MKLN1: variants seen among roughly 807,000 people sequenced by gnomAD.
The protein encoded by MKLN1 is muskelin 1.
Under a neutral mutation model 99.0 loss-of-function variants are expected in MKLN1, and 18 were observed. The observed-to-expected ratio is 0.18, with a 90% CI of 0.13 to 0.27. The LOEUF (loss-of-function observed/expected upper bound fraction) is 0.27. MKLN1 is among the 10% of genes least tolerant of loss of function. The probability of loss-of-function intolerance (pLI) is 1.00; values close to 1 mark genes in which losing one functional copy is unlikely to be tolerated. For missense variants in MKLN1, 621 were observed against 875.9 expected, an observed-to-expected ratio of 0.71 and a Z score of 3.67; for synonymous variants, 288 against 293.2, an observed-to-expected ratio of 0.98 and a Z score of 0.18.
At chr7:131,221,777 T>C (rs894041210) in intron 3 of MKLN1, among the ~76,000 whole-genome samples, 1 of 151,378 alleles carries the variant, frequency 6.6e-6, no homozygotes, top group African/African-American at 2.4e-5. Flanking sequence ...CACCTTAGCC[T>C]CCCGAAGTGC....
intron 6 of MKLN1, among the ~76,000 whole-genome samples, chr7:131,403,909 C>T (rs1200343749): frequency 1.3e-5 from 2 of 152,168 alleles, no homozygotes; most frequent in Admixed American, 6.5e-5. Context: ...GTTGGAAAAA[C>T]GGCATCCATA....
chr7:131,424,973 A>G (rs1795316263), intron 8 of MKLN1, among the ~76,000 whole-genome samples: 1 of 152,040 alleles, frequency 6.6e-6, no homozygotes, highest in African/African-American at 2.4e-5. Context: ...CTGTCTTTTA[A>G]CCTCCTCTCC....
chr7:131,449,478 C>T (rs1343135292), intron 12 of MKLN1, among the ~76,000 whole-genome samples: 1 of 152,056 alleles, frequency 6.6e-6, no homozygotes, highest in Non-Finnish European at 1.5e-5. Context: ...CTGTGAGTTG[C>T]ATTGTTCAAA....
rs756021711 is a variant in MKLN1, at chr7:131,388,944, G to A, written c.372G>A (p.Gln124=). ...CCTTGAAGCATAAAATTGATGAACA[G>A]ATGTTCCCTTGTCGATTCATTAAAA... The part of the protein sequence containing the change: ...TFTLKHKIDE[Q]MFPCRFIKIV... The change falls in exon 4 of 18, where the codon CAG becomes CAA. Residue 124 remains glutamine, a synonymous_variant. Transcript: ENST00000352689. 1.9e-6 allele frequency: 3 copies of A among 1,608,380 alleles called. 1 individual carries two copies. The highest frequency in any genetic ancestry group is 2.5e-6 in the Non-Finnish European group (3 of 1,176,692).
At chr7:131,208,009 G>A (rs1278390063) in intron 3 of MKLN1, among the ~76,000 whole-genome samples, 2 of 152,212 alleles carry the variant, frequency 1.3e-5, no homozygotes, top group African/African-American at 2.4e-5. Context: ...AAAAATGGAG[G>A]GAGGGGGGAG....
intron 3 of MKLN1, among the ~76,000 whole-genome samples, chr7:131,208,784 G>C (rs1356514567): frequency 6.6e-6 from 1 of 152,190 alleles, no homozygotes; most frequent in East Asian, 1.9e-4. Context: ...TGAGGTCCCA[G>C]CTCTCATGGA....
chr7:131,116,364 G>A (rs952826887), intron 1 of MKLN1, among the ~76,000 whole-genome samples: 36 of 151,984 alleles, frequency 2.4e-4, no homozygotes, highest in Admixed American at 3.9e-4. Context: ...GATCCTGGAC[G>A]TTTATATTCT....
At chr7:131,320,062 G>T (rs941011216) in intron 3 of MKLN1, among the ~76,000 whole-genome samples, 9 of 152,108 alleles carry the variant, frequency 5.9e-5, no homozygotes, top group Non-Finnish European at 1.0e-4. Flanking sequence ...TTTCTTTGCA[G>T]AATTATAAAA....
At chr7:131,120,845 A>T (rs1214380120) in intron 1 of MKLN1, among the ~76,000 whole-genome samples, 3 of 152,198 alleles carry the variant, frequency 2.0e-5, no homozygotes, top group African/African-American at 7.2e-5. Flanking sequence ...GTCTTCTTCT[A>T]AGCCCTCCAA....
chr7:131,415,560 A>G (rs17165599), intron 8 of MKLN1, among the ~76,000 whole-genome samples: 10,539 of 152,284 alleles, frequency 0.069, 435 homozygotes, highest in East Asian at 0.19. Flanking sequence ...CTAAATTTCT[A>G]TGATAACCTC....
At chr7:131,270,220 C>CTATTT (rs762383861) in intron 3 of MKLN1, among the ~76,000 whole-genome samples, 8 of 151,466 alleles carry the variant, frequency 5.3e-5, no homozygotes, top group Non-Finnish European at 1.0e-4. Context: ...TGCACCCGGC[C>CTATTT]TATTTTTATT....
intron 1 of MKLN1, among the ~76,000 whole-genome samples, chr7:131,366,231 AT>A (rs979417319): frequency 1.1e-4 from 16 of 152,052 alleles, no homozygotes; most frequent in African/African-American, 3.6e-4. Context: ...GTTGAAGTTG[AT>A]TTTTTTTCAG....
chr7:131,301,674 G>A (rs763169897), intron 3 of MKLN1, among the ~76,000 whole-genome samples: 1 of 152,038 alleles, frequency 6.6e-6, no homozygotes, highest in Non-Finnish European at 1.5e-5. Flanking sequence ...ACAGCCCTGT[G>A]TTTTCTTGCC....
rs2116725775 is a variant in MKLN1, at chr7:131,491,294, G to T, written c.*3566G>T. 6.6e-6 allele frequency: 1 copy of T among 151,802 alleles called. No homozygotes were observed. The highest frequency in any genetic ancestry group is 2.1e-4 in the South Asian group (1 of 4,800). 9.4% of individuals were successfully genotyped at this position (151,802 alleles called of 1,614,324 possible). On this transcript the variant is annotated 3_prime_UTR_variant, in exon 18 of 18. Coordinates refer to ENST00000352689, the MANE Select transcript of MKLN1 (RefSeq NM_013255.5). ...TCATCCACAATCTCATCCCTTTGTAGAAATTCTTGCCTGAATTCTCACCAA... is the reference window on the plus strand; with the variant it reads ...TCATCCACAATCTCATCCCTTTGTATAAATTCTTGCCTGAATTCTCACCAA...
At chr7:131,130,088 T>C (rs531231647) in intron 1 of MKLN1, among the ~76,000 whole-genome samples, 5 of 152,346 alleles carry the variant, frequency 3.3e-5, no homozygotes, top group Middle Eastern at 3.4e-3. Flanking sequence ...AGGTGAATGA[T>C]GAAAGGATAC....
intron 3 of MKLN1, among the ~76,000 whole-genome samples, chr7:131,208,079 A>G (rs566891083): frequency 4.9e-4 from 74 of 152,280 alleles, no homozygotes; most frequent in African/African-American, 1.6e-3. Flanking sequence ...AGAAAATGCT[A>G]CCATATTATT....
chr7:131,309,721 A>ATTTTTTT (rs59130761), intron 3 of MKLN1: 3,373 of 87,410 alleles, frequency 0.039, 404 homozygotes, highest in Admixed American at 0.087. Flanking sequence ...CCACAAGTGG[A>ATTTTTTT]TTTTTTTTTT....
chr7:131,353,596 C>G (rs1284590758), intron 1 of MKLN1, among the ~76,000 whole-genome samples: 1 of 152,032 alleles, frequency 6.6e-6, no homozygotes, highest in Non-Finnish European at 1.5e-5. Context: ...ACTTAAAAGT[C>G]TTTCTCAAAA....
chr7:131,375,478 C>T lies in MKLN1; in HGVS notation c.153C>T (p.Ser51=), dbSNP rs1303167956. ...AATCTTCAAGATGGTCTTCAGAGAGCAACTATCCTCCCCAGGTAAGATTAC... is the reference window on the plus strand; with the variant it reads ...AATCTTCAAGATGGTCTTCAGAGAGTAACTATCCTCCCCAGGTAAGATTAC... ...NDQSSRWSSE[S]NYPPQYLILK... is the part of the protein sequence containing the mutation. The change falls in exon 2 of 18, where the codon AGC becomes AGT. Residue 51 remains serine, a synonymous_variant. Transcript: ENST00000352689. 6.2e-7 allele frequency: 1 copy of T among 1,606,586 alleles called. No homozygotes were observed. Among genetic ancestry groups the T allele is most frequent in the East Asian group, 2.2e-5 (1 of 44,698 alleles).
Sources: gnomAD v4.1 joint callset for allele counts (sites outside exome capture counted in the v4.1 genomes callset) on GRCh38, gnomAD v4.1.1 for gene constraint, MANE v1.5 for transcripts, NCBI Gene and HGNC (gene_info 2026-07-23, HGNC 2026-07-21) for gene names.